Variants in USP42 observed in about 807,000 individuals in gnomAD.
USP42 encodes ubiquitin specific peptidase 42.
USP42 carries 23 observed loss-of-function variants against 113.0 expected under a neutral mutation model. The ratio of observed to expected loss-of-function variants is 0.20; its 90% CI spans 0.15 to 0.29. USP42 has a LOEUF of 0.29. USP42 is among the 10% of genes least tolerant of loss of function. The pLI, the probability that USP42 is intolerant of heterozygous loss-of-function variation, is 1.00. For missense variants in USP42, 2,174 were observed against 1,779.8 expected (o/e 1.22, Z -3.99); for synonymous variants, 933 against 699.0 (o/e 1.33, Z -5.28).
At chr7:6,140,444 C>T (rs1184040115) in intron 6 of USP42, among the ~76,000 whole-genome samples, 1 of 152,164 alleles carries the variant, frequency 6.6e-6, no homozygotes, top group Admixed American at 6.5e-5. Flanking sequence ...TATTAGCAGT[C>T]TTTTACATTT....
chr7:6,103,485 C>A (rs1790198279), upstream of USP42, among the ~76,000 whole-genome samples: 1 of 149,078 alleles, frequency 6.7e-6, no homozygotes, highest in Non-Finnish European at 1.5e-5. Flanking sequence ...CCATTGCACT[C>A]CAGCCTGGGC....
intron 3 of USP42, chr7:6,116,813 C>T (rs1442305428): frequency 5.6e-6 from 3 of 533,352 alleles, no homozygotes; most frequent in Admixed American, 3.9e-5. Flanking sequence ...TCATTCCCCA[C>T]AGACAGCTTT....
intron 2 of USP42, among the ~76,000 whole-genome samples, chr7:6,114,678 ATTTT>A (rs869283400): frequency 5.3e-5 from 1 of 18,876 alleles, no homozygotes; most frequent in African/African-American, 3.5e-4. Flanking sequence ...ATATATATAT[ATTTT>A]TTTTTTTTTT....
In USP42 at chr7:6,157,910, G is replaced by T. The variant is rs907770088; in HGVS notation, c.3943+855G>T. On this transcript the variant is annotated intron_variant, in intron 16 of 17. Transcript: ENST00000306177. This position sits in a 1 kb window ranked among gnomAD's most constrained non-coding sequence, Gnocchi z 4.1. ...CTGTGCTCTTACTGCACTTGAGGCA[G>T]CCCCCCACTTCCTCTCCCGTTGGTG... Among the ~76,000 whole-genome samples the T allele has an allele frequency of 5.9e-5, 9 of 152,126 alleles. No homozygotes were observed. The highest frequency in any genetic ancestry group is 5.9e-4 in the Admixed American group (9 of 15,266).
chr7:6,122,703 C>T (rs1343526297), intron 3 of USP42, among the ~76,000 whole-genome samples: 1 of 151,914 alleles, frequency 6.6e-6, no homozygotes, highest in Non-Finnish European at 1.5e-5. Flanking sequence ...ATCTCCTGGC[C>T]TTGTGATCCA....
intron 3 of USP42, among the ~76,000 whole-genome samples, chr7:6,135,001 G>A (rs1781053636): frequency 6.6e-6 from 1 of 152,028 alleles, no homozygotes; most frequent in Non-Finnish European, 1.5e-5. Flanking sequence ...TGTTGCCCAG[G>A]CTAGTCTCAA....
Position 6,158,666 on chromosome 7 carries a change from C to T in USP42, c.3944-784C>T, listed in dbSNP as rs549910215. Among the ~76,000 whole-genome samples the T allele has an allele frequency of 6.6e-6, 1 of 152,330 alleles. No individual in the cohort carries two copies. The highest frequency in any genetic ancestry group is 1.5e-5 in the Non-Finnish European group (1 of 68,032). ...AGCACTGCCGGTGAGGACGGGTTGC[C>T]TGCGGGCCTTGTAGACGTTCTGGAC... On this transcript the variant is annotated intron_variant, in intron 16 of 17. Coordinates refer to ENST00000306177, the MANE Select transcript of USP42 (RefSeq NM_032172.3). The surrounding 1 kb of genome is among the most constrained non-coding windows in gnomAD (Gnocchi z 4.2).
chr7:6,128,469 A>G (rs28589289), intron 3 of USP42, among the ~76,000 whole-genome samples: 14,900 of 151,956 alleles, frequency 0.098, 893 homozygotes, highest in African/African-American at 0.16. Context: ...CTTGCATGAC[A>G]TATCTTTTTT....
intron 4 of USP42, 50 bp downstream of exon 4, chr7:6,136,001 ACT>A: frequency 2.0e-5 from 18 of 917,206 alleles, no homozygotes; most frequent in East Asian, 1.6e-4. Flanking sequence ...ACCTAGTTAT[ACT>A]TTTTTTTTTT....
chr7:6,138,082 T>G (rs1360126206), intron 4 of USP42, among the ~76,000 whole-genome samples: 1 of 152,224 alleles, frequency 6.6e-6, no homozygotes, highest in African/African-American at 2.4e-5. Context: ...GTGTATCCAC[T>G]GATACACACA....
the USP42 span, among the ~76,000 whole-genome samples, chr7:6,083,950 A>G: frequency 1.3e-5 from 2 of 151,164 alleles, no homozygotes; most frequent in African/African-American, 2.5e-5. Context: ...CCTTAAAGTG[A>G]TTAAGGGTAC....
chr7:6,154,174 C>G lies in USP42; in HGVS notation c.2620C>G (p.His874Asp). The change falls in exon 15 of 18, where the codon CAC becomes GAC. Residue 874 changes from histidine to aspartate, a missense_variant. His to Asp is a moderately conservative substitution (Grantham distance 81). Transcript: ENST00000306177. ...GCCCTGCGAGCAGCCACTCCTTGTT[C>G]ACCCCAGCGGGGACCACGCCCGGGA... ...EEPCEQPLLV[H>D]PSGDHARDAQ... The G allele has an allele frequency of 6.3e-7, 1 of 1,597,086 alleles. No homozygotes were observed.
intron 3 of USP42, among the ~76,000 whole-genome samples, chr7:6,123,659 T>C (rs1780361585): frequency 6.6e-6 from 1 of 151,518 alleles, no homozygotes; most frequent in African/African-American, 2.4e-5. Context: ...AGACTCCATC[T>C]CAAAAAATAA....
rs1782217966 is a variant in USP42 at position 6,153,851 on chromosome 7, C to G, written c.2297C>G (p.Ala766Gly). The G allele has an allele frequency of 4.5e-6, 7 of 1,548,258 alleles. No individual in the cohort carries two copies. The highest frequency in any genetic ancestry group is 6.1e-6 in the Non-Finnish European group (7 of 1,146,994). ...AAESLEEPDA[A>G]AGLSSTKKAP... is the part of the protein sequence containing the mutation. ...GAATCCCTGGAGGAGCCAGATGCGG[C>G]CGCCGGCCTCAGCAGCACCAAGAAG... is the stretch of plus-strand genomic sequence containing the variant. Residue 766 changes from alanine (A) to glycine (G), a missense_variant, in exon 15 of 18, where the codon GCC (alanine) becomes GGC (glycine). Transcript: ENST00000306177.
Position 6,161,310 on chromosome 7 carries a change from T to C in USP42, c.*792T>C, listed in dbSNP as rs1460944982. On this transcript the variant is annotated 3_prime_UTR_variant, in exon 18 of 18. Transcript: ENST00000306177. Reference sequence around the variant, plus strand: ...GTTACAGACACAATCATACTGTGATTTTATTTTTAATATGGATATGCTATC... The same window carrying C: ...GTTACAGACACAATCATACTGTGATCTTATTTTTAATATGGATATGCTATC... 6.6e-6 allele frequency: 1 copy of C among 152,566 alleles called. No homozygotes were observed. Among genetic ancestry groups the C allele is most frequent in the African/African-American group, 2.4e-5 (1 of 41,446 alleles). 9.5% of individuals were successfully genotyped at this position (152,566 alleles called of 1,614,324 possible). A position where few individuals can be genotyped will look rare whatever the true frequency, so the allele number is the denominator to read the frequency against.
At chr7:6,130,644 G>A (rs1780801291) in intron 3 of USP42, among the ~76,000 whole-genome samples, 1 of 152,220 alleles carries the variant, frequency 6.6e-6, no homozygotes, top group South Asian at 2.1e-4. Context: ...CCTGTTGAGT[G>A]TAAGTCAAGG....
chr7:6,154,275 C>T lies in USP42; in HGVS notation c.2721C>T (p.Ala907=). Reference sequence around the variant, plus strand: ...CGCCAGCTCCTGTGCTGGACATGGCCCCGGCCGGTCACCCGGAAGGGGACG... The same window carrying T: ...CGCCAGCTCCTGTGCTGGACATGGCTCCGGCCGGTCACCCGGAAGGGGACG... ...ERPPAPVLDM[A]PAGHPEGDAE... is the part of the protein sequence containing the mutation. Residue 907 remains alanine (A), a synonymous_variant, in exon 15 of 18, where the codon GCC becomes GCT. Transcript: ENST00000306177. 4 of 1,596,598 alleles carry T rather than the reference C, an allele frequency of 2.5e-6. No individual in the cohort carries two copies. Among genetic ancestry groups the T allele is most frequent in the Non-Finnish European group, 1.7e-6 (2 of 1,172,716 alleles).
rs1048077619 is a variant in USP42 at position 6,159,841 on chromosome 7, C to T, written c.*36+348C>T. 6.6e-6 allele frequency among the ~76,000 whole-genome samples: 1 copy of T among 152,234 alleles called. No individual in the cohort carries two copies. Among genetic ancestry groups the T allele is most frequent in the African/African-American group, 2.4e-5 (1 of 41,442 alleles). ...ATAAACATCTGGGAAGGGAGAGGCCCGGTCCCCAGCACAGGCACCTCACTC... is the reference window on the plus strand; with the variant it reads ...ATAAACATCTGGGAAGGGAGAGGCCTGGTCCCCAGCACAGGCACCTCACTC... On this transcript the variant is annotated intron_variant, in intron 17 of 17. Coordinates refer to ENST00000306177, the MANE Select transcript of USP42 (RefSeq NM_032172.3). This position sits in a 1 kb window ranked among gnomAD's most constrained non-coding sequence, Gnocchi z 4.1.
chr7:6,114,658 A>ATG (rs1779791164), intron 2 of USP42, among the ~76,000 whole-genome samples: 1 of 42,696 alleles, frequency 2.3e-5, no homozygotes, highest in African/African-American at 1.7e-4. Context: ...GTGTGTGTGT[A>ATG]TATATATATA....
Sources: allele counts gnomAD v4.1 joint callset (sites outside exome capture counted in the v4.1 genomes callset), GRCh38; gene constraint gnomAD v4.1.1; non-coding constraint Gnocchi (gnomAD v3.1); transcripts MANE v1.5; gene names NCBI Gene and HGNC (gene_info 2026-07-23, HGNC 2026-07-21).